Variants in FSHR observed in about 807,000 individuals in gnomAD.
The protein encoded by FSHR is follicle stimulating hormone receptor.
In FSHR, 46 loss-of-function variants were observed where a neutral mutation model predicts 52.1. That is an observed-to-expected ratio of 0.88 (90% CI 0.70 to 1.13). The LOEUF is 1.13. FSHR is among the 50% of genes most tolerant of loss of function. The probability of loss-of-function intolerance (pLI) is 0.00; values close to 1 mark genes in which losing one functional copy is unlikely to be tolerated. For synonymous variants in FSHR, 399 were observed against 309.6 expected (o/e 1.29, Z -3.03); for missense variants, 964 against 834.6 (o/e 1.16, Z -1.91).
intron 1 of FSHR, among the ~76,000 whole-genome samples, chr2:49,140,983 G>A (rs1672665023): frequency 6.6e-6 from 1 of 152,156 alleles, no homozygotes; most frequent in Non-Finnish European, 1.5e-5. Context: ...CTGAGAGTCA[G>A]TTACTTCTGG....
chr2:49,128,297 T>G (rs990307163), intron 1 of FSHR, among the ~76,000 whole-genome samples: 1 of 152,130 alleles, frequency 6.6e-6, no homozygotes, highest in African/African-American at 2.4e-5. Context: ...ATGGGAGGAT[T>G]TTCTTAAACT....
intron 2 of FSHR, among the ~76,000 whole-genome samples, chr2:49,039,597 G>A (rs754136657): frequency 2.6e-5 from 4 of 152,218 alleles, no homozygotes; most frequent in Non-Finnish European, 5.9e-5. Context: ...GAGGTGACAT[G>A]TTCCTTGCAG....
Position 48,962,972 on chromosome 2 carries a change from T to C in FSHR, c.1849A>G (p.Ile617Val), listed in dbSNP as rs1346561059. The C allele has an allele frequency of 6.2e-6, 10 of 1,614,042 alleles. No homozygotes were observed. The South Asian group carries it at 9.9e-5, about 16-fold the overall frequency. ...AKILLVLFHP[I>V]NSCANPFLYA... ...AGGAAGGGGTTGGCACAGGAGTTGA[T>C]GGGGTGAAACAGAACCAGCAGAATC... Residue 617 changes from isoleucine (I) to valine (V), a missense_variant, in exon 10 of 10, where the codon ATC (isoleucine) becomes GTC (valine). Physicochemically the swap from Ile to Val is conservative, Grantham distance 29. Transcript: ENST00000406846.
chr2:48,964,212 G>C (rs1173017537), intron 9 of FSHR, among the ~76,000 whole-genome samples: 1 of 152,088 alleles, frequency 6.6e-6, no homozygotes, highest in Non-Finnish European at 1.5e-5. Context: ...GCCACAACCT[G>C]AATGTGGGGA....
chr2:49,148,356 C>G (rs1321514335), intron 1 of FSHR, among the ~76,000 whole-genome samples: 2 of 151,956 alleles, frequency 1.3e-5, no homozygotes, highest in Non-Finnish European at 2.9e-5. Flanking sequence ...AATAAGAAAG[C>G]TATCCGATCC....
At chr2:49,087,169 T>C (rs1670431914) in intron 1 of FSHR, among the ~76,000 whole-genome samples, 1 of 131,004 alleles carries the variant, frequency 7.6e-6, no homozygotes, top group Non-Finnish European at 1.6e-5. Flanking sequence ...ACAACACAAA[T>C]AAACAGGATA....
chr2:49,080,609 T>G (rs1420510506), intron 1 of FSHR, among the ~76,000 whole-genome samples: 2 of 152,192 alleles, frequency 1.3e-5, no homozygotes, highest in African/African-American at 2.4e-5. Flanking sequence ...TATGTAAACA[T>G]GAACAGAATG....
intron 2 of FSHR, among the ~76,000 whole-genome samples, chr2:49,066,525 T>C (rs1027945000): frequency 6.6e-6 from 1 of 152,028 alleles, no homozygotes; most frequent in African/African-American, 2.4e-5. Flanking sequence ...TGAAGCCTTA[T>C]GGTATAAAAA....
At position 49,107,040 on chromosome 2, in the gene FSHR, T is replaced by C. The variant is rs188606984; in HGVS notation, c.153-38750A>G. Among the ~76,000 whole-genome samples, 22 of 152,234 alleles carry C rather than the reference T, an allele frequency of 1.4e-4. No homozygotes were observed. The East Asian group carries it at 4.3e-3, about 29-fold the overall frequency. ...CTAAAGACAACTTTCTAAATGAAAA[T>C]CACATTTCATCATTACCTTTCAATG... On this transcript the variant is annotated intron_variant, in intron 1 of 9. Transcript: ENST00000406846.
rs148682238 is a variant in FSHR at position 49,012,180 on chromosome 2, A to G, written c.374+5309T>C. Among the ~76,000 whole-genome samples the G allele has an allele frequency of 4.3e-3, 661 of 152,292 alleles. 5 individuals are homozygous for G. The highest frequency in any genetic ancestry group is 0.014 in the African/African-American group (601 of 41,576). On this transcript the variant is annotated intron_variant, in intron 4 of 9. Coordinates refer to ENST00000406846, the MANE Select transcript of FSHR (RefSeq NM_000145.4). ...GGTTTATTGAGCAGCAAAGAGAAAC[A>G]TCCAGCTGCCTGAGAATTACTTTAA...
At chr2:49,153,500 C>T (rs561903497) in intron 1 of FSHR, among the ~76,000 whole-genome samples, 1 of 152,288 alleles carries the variant, frequency 6.6e-6, no homozygotes, top group South Asian at 2.1e-4. Flanking sequence ...TCCATCTCAA[C>T]TCATCACGAG....
At chr2:49,008,296 G>A (rs1179521930) in intron 4 of FSHR, among the ~76,000 whole-genome samples, 3 of 138,144 alleles carry the variant, frequency 2.2e-5, no homozygotes, top group African/African-American at 5.4e-5. Context: ...TTGTTCTTGC[G>A]ATAGTTTACT....
intron 1 of FSHR, among the ~76,000 whole-genome samples, chr2:49,092,106 A>G (rs908685427): frequency 1.3e-5 from 2 of 152,212 alleles, no homozygotes; most frequent in Admixed American, 6.5e-5. Flanking sequence ...TAGGTTTACA[A>G]CTAAGTATTT....
At chr2:49,071,555 C>T (rs1669730668) in intron 1 of FSHR, among the ~76,000 whole-genome samples, 1 of 152,086 alleles carries the variant, frequency 6.6e-6, no homozygotes, top group African/African-American at 2.4e-5. Context: ...AGGCACAAAA[C>T]ACAAGAAGGA....
At chr2:48,987,253 G>A (rs370086214) in intron 6 of FSHR, among the ~76,000 whole-genome samples, 16 of 152,042 alleles carry the variant, frequency 1.1e-4, no homozygotes, top group African/African-American at 3.6e-4. Flanking sequence ...GCCCAGGCTG[G>A]AGTGCAGTGG....
At chr2:49,013,481 AATAAATAT>A (rs1667357920) in intron 4 of FSHR, among the ~76,000 whole-genome samples, 2 of 115,058 alleles carry the variant, frequency 1.7e-5, no homozygotes, top group Admixed American at 1.1e-4. Context: ...TATATATATA[AATAAATAT>A]ATATATATAT....
intron 2 of FSHR, among the ~76,000 whole-genome samples, chr2:49,055,313 G>T (rs1669015116): frequency 6.6e-6 from 1 of 151,188 alleles, no homozygotes; most frequent in African/African-American, 2.4e-5. Context: ...TTGAAGACAG[G>T]TCTTTTGAAA....
At chr2:48,965,132 C>G (rs1052852260) in intron 9 of FSHR, among the ~76,000 whole-genome samples, 5 of 152,022 alleles carry the variant, frequency 3.3e-5, no homozygotes, top group Non-Finnish European at 5.9e-5. Context: ...AAGTAAGTAT[C>G]AAACCTTCTT....
intron 2 of FSHR, among the ~76,000 whole-genome samples, chr2:49,032,211 C>T (rs987453824): frequency 1.6e-4 from 24 of 152,188 alleles, no homozygotes; most frequent in African/African-American, 5.5e-4. Context: ...ATTTTCCTTT[C>T]TCTGAGTTTG....
Sources: allele counts gnomAD v4.1 joint callset (sites outside exome capture counted in the v4.1 genomes callset), GRCh38; gene constraint gnomAD v4.1.1; transcripts MANE v1.5; gene names NCBI Gene and HGNC (gene_info 2026-07-23, HGNC 2026-07-21).